Variants in ZNF385D observed in about 807,000 individuals in gnomAD.
The protein encoded by ZNF385D is zinc finger protein 659.
Under a neutral mutation model 35.8 loss-of-function variants are expected in ZNF385D, and 15 were observed. The observed-to-expected ratio is 0.42, with a 90% CI of 0.28 to 0.64. The LOEUF is 0.64. Among genes scored for constraint, ZNF385D ranks in the 30% least tolerant of loss-of-function variants. The pLI is 0.23. For missense variants in ZNF385D, 474 were observed against 494.6 expected, an observed-to-expected ratio of 0.96 and a Z score of 0.39; for synonymous variants, 212 against 186.8, an observed-to-expected ratio of 1.13 and a Z score of -1.10.
intron 1 of ZNF385D, among the ~76,000 whole-genome samples, chr3:21,720,236 C>T (rs1346813514): frequency 6.6e-6 from 1 of 152,168 alleles, no homozygotes; most frequent in African/African-American, 2.4e-5. Flanking sequence ...CCTAGACCAG[C>T]AGCATCGTCA....
intron 2 of ZNF385D, among the ~76,000 whole-genome samples, chr3:22,180,206 G>C (rs1019981904): frequency 2.0e-5 from 3 of 152,116 alleles, no homozygotes; most frequent in African/African-American, 7.2e-5. Context: ...TAAATTCCTC[G>C]ACACATACAC....
At chr3:21,722,099 CA>C (rs56852209) in intron 1 of ZNF385D, among the ~76,000 whole-genome samples, 28,535 of 112,316 alleles carry the variant, frequency 0.25, 2,698 homozygotes, top group Admixed American at 0.33. Flanking sequence ...GACTCTGTCT[CA>C]AAAAAAAAAA....
chr3:21,492,337 G>A lies in ZNF385D; in HGVS notation c.439+18524C>T, dbSNP rs563374285. Among the ~76,000 whole-genome samples the A allele has an allele frequency of 2.7e-5, 4 of 150,922 alleles. No individual in the cohort carries two copies. The East Asian group carries it at 7.8e-4, about 30-fold the overall frequency. ...AATTGAATCAACTTGATGACAAAGT[G>A]CCCACAAATTGAATGGGTTTGCTTT... On this transcript the variant is annotated intron_variant, in intron 4 of 7. Transcript: ENST00000281523.
chr3:22,091,007 A>G (rs1701303880), intron 3 of ZNF385D, among the ~76,000 whole-genome samples: 1 of 152,168 alleles, frequency 6.6e-6, no homozygotes, highest in South Asian at 2.1e-4. Flanking sequence ...GCTAATATAT[A>G]CCAATAGAAA....
At chr3:21,445,947 C>T (rs1702124470) in intron 4 of ZNF385D, among the ~76,000 whole-genome samples, 1 of 152,168 alleles carries the variant, frequency 6.6e-6, no homozygotes, top group Non-Finnish European at 1.5e-5. Context: ...AAACATCCCC[C>T]TATCATGGGG....
chr3:21,788,393 G>A (rs956571285), intron 3 of ZNF385D, among the ~76,000 whole-genome samples: 1 of 152,092 alleles, frequency 6.6e-6, no homozygotes, highest in African/African-American at 2.4e-5. Flanking sequence ...CATGAGAATC[G>A]TTTAAACCTG....
intron 2 of ZNF385D, among the ~76,000 whole-genome samples, chr3:22,299,814 G>A (rs1174026717): frequency 6.6e-6 from 1 of 151,648 alleles, no homozygotes; most frequent in African/African-American, 2.4e-5. Flanking sequence ...AGACATTAAA[G>A]AACACAAATA....
chr3:21,783,025 C>A (rs1360272130), intron 3 of ZNF385D, among the ~76,000 whole-genome samples: 1 of 152,042 alleles, frequency 6.6e-6, no homozygotes, highest in Non-Finnish European at 1.5e-5. Context: ...TAGCCCTGAC[C>A]CTTACCCTGC....
Position 22,173,525 on chromosome 3 carries a change from C to A in ZNF385D, c.107-4490G>T, listed in dbSNP as rs143126157. Among the ~76,000 whole-genome samples the A allele has an allele frequency of 2.0e-5, 3 of 152,138 alleles. No homozygotes were observed. The East Asian group carries it at 5.8e-4, about 29-fold the overall frequency. ...AAATAGAGCAGAGACCATTTTCTCTCCTTGACAATAAAACAGGAACCTCTT... is the reference window on the plus strand; with the variant it reads ...AAATAGAGCAGAGACCATTTTCTCTACTTGACAATAAAACAGGAACCTCTT... On this transcript the variant is annotated intron_variant, in intron 2 of 5. Coordinates refer to the ZNF385D transcript ENST00000494108.
intron 2 of ZNF385D, among the ~76,000 whole-genome samples, chr3:22,272,672 G>A (rs1264022809): frequency 6.6e-6 from 1 of 151,918 alleles, no homozygotes; most frequent in Non-Finnish European, 1.5e-5. Context: ...TTCCTCTTAG[G>A]ATATTGTCAG....
chr3:22,015,710 CTTG>C (rs1469991778), intron 3 of ZNF385D, among the ~76,000 whole-genome samples: 3 of 152,102 alleles, frequency 2.0e-5, no homozygotes, highest in Non-Finnish European at 4.4e-5. Flanking sequence ...TGGTTTTTCT[CTTG>C]TTTTTACTAC....
At chr3:22,103,374 T>C (rs932966536) in intron 3 of ZNF385D, among the ~76,000 whole-genome samples, 1 of 152,052 alleles carries the variant, frequency 6.6e-6, no homozygotes. Context: ...ACCCCAAGAA[T>C]AAAATTATAG....
chr3:21,961,986 T>C (rs1417047944), intron 3 of ZNF385D, among the ~76,000 whole-genome samples: 1 of 152,080 alleles, frequency 6.6e-6, no homozygotes. Flanking sequence ...CACAGGGTCT[T>C]GTGGGCCAGA....
At chr3:22,065,863 G>A (rs1699921226) in intron 3 of ZNF385D, among the ~76,000 whole-genome samples, 1 of 152,048 alleles carries the variant, frequency 6.6e-6, no homozygotes, top group Admixed American at 6.6e-5. Context: ...GATTCTGGAA[G>A]ATCCAGAAGG....
chr3:21,655,233 C>T (rs1559493175), intron 2 of ZNF385D, among the ~76,000 whole-genome samples: 1 of 151,988 alleles, frequency 6.6e-6, no homozygotes, highest in Non-Finnish European at 1.5e-5. Context: ...TTTACTCACT[C>T]CTAGAAGGTC....
chr3:21,965,243 T>G (rs1008892163), intron 3 of ZNF385D, among the ~76,000 whole-genome samples: 4 of 152,170 alleles, frequency 2.6e-5, no homozygotes, highest in Non-Finnish European at 5.9e-5. Context: ...ATAATTAGAT[T>G]TGAAGTTGTA....
intron 2 of ZNF385D, among the ~76,000 whole-genome samples, chr3:21,632,872 G>C (rs1052707303): frequency 6.6e-6 from 1 of 152,064 alleles, no homozygotes; most frequent in African/African-American, 2.4e-5. Flanking sequence ...ATGTATCTTA[G>C]TCAAATAACA....
intron 3 of ZNF385D, among the ~76,000 whole-genome samples, chr3:21,911,593 G>A (rs1263717357): frequency 6.6e-6 from 1 of 151,944 alleles, no homozygotes; most frequent in Non-Finnish European, 1.5e-5. Context: ...TCACTTGACT[G>A]AATAAATTGG....
chr3:21,735,706 C>A (rs970166694), intron 1 of ZNF385D, among the ~76,000 whole-genome samples: 14 of 152,116 alleles, frequency 9.2e-5, no homozygotes, highest in Admixed American at 6.5e-4. Flanking sequence ...ATTTTTGTTG[C>A]TTCGACATCT....
Sources: gnomAD v4.1 joint callset for allele counts (sites outside exome capture counted in the v4.1 genomes callset) on GRCh38, gnomAD v4.1.1 for gene constraint, MANE v1.5 for transcripts, NCBI Gene and HGNC (gene_info 2026-07-23, HGNC 2026-07-21) for gene names.